SGCZ: variants seen among roughly 807,000 people sequenced by gnomAD.
The protein encoded by SGCZ is zeta-sarcoglycan.
In SGCZ, 40 loss-of-function variants were observed where a neutral mutation model predicts 41.3. That is an observed-to-expected ratio of 0.97 (90% CI 0.75 to 1.26). The LOEUF is 1.26. Among genes scored for constraint, SGCZ ranks in the 50% most tolerant of loss-of-function variants. SGCZ has a pLI of 0.00. For synonymous variants in SGCZ, 206 were observed against 137.5 expected, an observed-to-expected ratio of 1.50 and a Z score of -3.49; for missense variants, 552 against 369.8, an observed-to-expected ratio of 1.49 and a Z score of -4.04.
chr8:15,213,812 T>C (rs1201637662), intron 1 of SGCZ, among the ~76,000 whole-genome samples: 2 of 151,932 alleles, frequency 1.3e-5, no homozygotes. Context: ...ATTACTAGAA[T>C]ACTCCTTAAT....
At chr8:14,825,247 C>A (rs570830474) in intron 1 of SGCZ, among the ~76,000 whole-genome samples, 2 of 152,082 alleles carry the variant, frequency 1.3e-5, no homozygotes, top group Non-Finnish European at 2.9e-5. Flanking sequence ...TCTGTGAAAT[C>A]CTTAGCAAGA....
intron 1 of SGCZ, among the ~76,000 whole-genome samples, chr8:15,213,197 A>G (rs1801293240): frequency 6.6e-6 from 1 of 152,042 alleles, no homozygotes; most frequent in Non-Finnish European, 1.5e-5. Context: ...TTGAAGGAAA[A>G]TTAAAGTCTA....
In SGCZ at chr8:14,088,049, G is replaced by T. The variant is rs900274662; in HGVS notation, c.*2394C>A. ...AATGTGTCAGTCCCTCACTGGAATC[G>T]GTTTTTACATCTTTTTTTCTCACTT... On this transcript the variant is annotated 3_prime_UTR_variant, in exon 8 of 8. Coordinates refer to ENST00000382080, the MANE Select transcript of SGCZ (RefSeq NM_139167.4). Among the ~76,000 whole-genome samples the T allele has an allele frequency of 1.3e-5, 2 of 151,462 alleles. No individual in the cohort carries two copies. Among genetic ancestry groups the T allele is most frequent in the Non-Finnish European group, 3.0e-5 (2 of 67,736 alleles).
At chr8:14,144,410 A>C (rs1008731505) in intron 5 of SGCZ, among the ~76,000 whole-genome samples, 1 of 152,160 alleles carries the variant, frequency 6.6e-6, no homozygotes, top group African/African-American at 2.4e-5. Context: ...AAAAGGACCC[A>C]GTCCTTGCAG....
At chr8:14,371,178 A>C (rs535812531) in intron 2 of SGCZ, among the ~76,000 whole-genome samples, 25 of 152,144 alleles carry the variant, frequency 1.6e-4, no homozygotes, top group Admixed American at 3.9e-4. Flanking sequence ...TTGGAATTTA[A>C]AGTAAACTCT....
chr8:14,362,134 C>T (rs766142325), intron 2 of SGCZ, among the ~76,000 whole-genome samples: 7 of 152,170 alleles, frequency 4.6e-5, no homozygotes, highest in Non-Finnish European at 8.8e-5. Context: ...TCAGGCTACA[C>T]GTGGGTCTGG....
intron 2 of SGCZ, among the ~76,000 whole-genome samples, chr8:14,337,571 A>G (rs570279642): frequency 6.6e-6 from 1 of 152,208 alleles, no homozygotes; most frequent in African/African-American, 2.4e-5. Context: ...AAGTCAGGTT[A>G]AAATACCAGA....
chr8:15,001,411 C>A (rs184581858), intron 1 of SGCZ, among the ~76,000 whole-genome samples: 3 of 152,166 alleles, frequency 2.0e-5, no homozygotes, highest in Admixed American at 2.0e-4. Flanking sequence ...CTGAATCAGT[C>A]GTGTGCATTC....
rs965287498 is a variant in SGCZ at position 14,944,619 on chromosome 8, G to T, written c.39+292966C>A. Among the ~76,000 whole-genome samples, 22 of 152,244 alleles carry T rather than the reference G, an allele frequency of 1.4e-4. No individual in the cohort carries two copies. The East Asian group carries it at 4.3e-3, about 29-fold the overall frequency. Reference sequence around the variant, plus strand: ...CCAATAGATTATATGGGTCAGCAAGGATAAGTTATTTAAGTTGTATGAATA... The same window carrying T: ...CCAATAGATTATATGGGTCAGCAAGTATAAGTTATTTAAGTTGTATGAATA... On this transcript the variant is annotated intron_variant, in intron 1 of 7. Coordinates refer to ENST00000382080, the MANE Select transcript of SGCZ (RefSeq NM_139167.4).
At chr8:15,207,257 T>G (rs915149097) in intron 1 of SGCZ, among the ~76,000 whole-genome samples, 1 of 152,150 alleles carries the variant, frequency 6.6e-6, no homozygotes, top group Non-Finnish European at 1.5e-5. Context: ...ATTAGAAAAC[T>G]GGACCTTTGA....
chr8:14,381,725 G>T (rs1411060717), intron 2 of SGCZ, among the ~76,000 whole-genome samples: 1 of 151,830 alleles, frequency 6.6e-6, no homozygotes, highest in Admixed American at 6.6e-5. Flanking sequence ...GGTCGAGGCT[G>T]CAGTGAGCCA....
chr8:14,309,101 G>T, intron 3 of SGCZ: 3 of 1,454,274 alleles, frequency 2.1e-6, no homozygotes, highest in Non-Finnish European at 2.9e-6. Context: ...TCAGGAGGTT[G>T]CTAACCCAGA....
At chr8:14,614,195 A>G (rs1035889532) in intron 1 of SGCZ, among the ~76,000 whole-genome samples, 2 of 152,198 alleles carry the variant, frequency 1.3e-5, no homozygotes, top group East Asian at 3.9e-4. Flanking sequence ...AATGAGATAA[A>G]CTTGAACCTT....
chr8:14,995,175 A>G (rs13278000), intron 1 of SGCZ, among the ~76,000 whole-genome samples: 55,119 of 152,166 alleles, frequency 0.36, 10,738 homozygotes, highest in Non-Finnish European at 0.42. Context: ...GAGACACTGA[A>G]GTATATTTAT....
intron 4 of SGCZ, among the ~76,000 whole-genome samples, chr8:14,236,487 T>G (rs1012711561): frequency 3.9e-5 from 6 of 152,024 alleles, no homozygotes; most frequent in African/African-American, 1.4e-4. Flanking sequence ...AGAATCAAAA[T>G]TCATGTTTCT....
chr8:14,380,866 C>CA, intron 2 of SGCZ, among the ~76,000 whole-genome samples: 1 of 149,636 alleles, frequency 6.7e-6, no homozygotes. Context: ...CTCAAACAAA[C>CA]AAACAAAAAA....
chr8:14,725,860 G>A lies in SGCZ; in HGVS notation c.40-170934C>T, dbSNP rs76194137. 8.3e-3 allele frequency among the ~76,000 whole-genome samples: 1,268 copies of A among 152,018 alleles called. 17 individuals carry two copies. The highest frequency in any genetic ancestry group is 0.029 in the African/African-American group (1,194 of 41,478). On this transcript the variant is annotated intron_variant, in intron 1 of 7. Coordinates refer to ENST00000382080, the MANE Select transcript of SGCZ (RefSeq NM_139167.4). ...TGTGGTTATGAAATTACTTAAAGAT[G>A]GAAAGGCGATTACTAAAAAAGTAGA...
chr8:14,542,661 A>G (rs182093222), intron 2 of SGCZ, among the ~76,000 whole-genome samples: 99 of 152,202 alleles, frequency 6.5e-4, no homozygotes, highest in African/African-American at 2.2e-3. Flanking sequence ...CCTGGCACAT[A>G]GTTTTAAAAG....
chr8:14,876,066 C>A (rs1193043617), intron 1 of SGCZ, among the ~76,000 whole-genome samples: 1 of 152,116 alleles, frequency 6.6e-6, no homozygotes, highest in Non-Finnish European at 1.5e-5. Context: ...ATTCCCATCC[C>A]CCTGTCTCCC....
Sources: gnomAD v4.1 joint callset for allele counts (sites outside exome capture counted in the v4.1 genomes callset) on GRCh38, gnomAD v4.1.1 for gene constraint, MANE v1.5 for transcripts, NCBI Gene and HGNC (gene_info 2026-07-23, HGNC 2026-07-21) for gene names.